The following ASIC5 variants were observed in gnomAD, a reference collection of about 807,000 sequenced individuals.
ASIC5 encodes the protein bile acid-sensitive ion channel.
In ASIC5, 52 loss-of-function variants were observed where a neutral mutation model predicts 51.2. The ratio of observed to expected loss-of-function variants is 1.02; its 90% CI spans 0.81 to 1.28. ASIC5 has a LOEUF of 1.28. Among genes scored for constraint, ASIC5 ranks in the 50% most tolerant of loss-of-function variants. ASIC5 has a pLI of 0.00. For synonymous variants in ASIC5, 231 were observed against 200.7 expected (o/e 1.15, Z -1.28); for missense variants, 635 against 595.0 (o/e 1.07, Z -0.70).
rs1414300629 is a variant in ASIC5 at position 155,863,591 on chromosome 4, C to T, written c.204G>A (p.Val68=). Residue 68 remains valine, a synonymous_variant, in exon 2 of 10, where the codon GTG becomes GTA. Transcript: ENST00000537611. ...SKIRRVLWLV[V]VLGSVSLVTW... ...TCACAAGTGAGACTGAGCCCAGAAC[C>T]ACCACCAACCAGAGCACCCTGCGAA... 4 of 1,613,618 alleles carry T rather than the reference C, an allele frequency of 2.5e-6. No homozygotes were observed. Among genetic ancestry groups the T allele is most frequent in the East Asian group, 2.2e-5 (1 of 44,838 alleles).
chr4:155,838,965 C>A (rs1741056170), intron 6 of ASIC5, 96 bp from the exon 7 acceptor site: 2 of 646,948 alleles, frequency 3.1e-6, no homozygotes, highest in Admixed American at 2.9e-5. Flanking sequence ...TCTATCCATC[C>A]ATTCATCCAC....
At chr4:155,860,407 A>C (rs2110764912) in intron 2 of ASIC5, among the ~76,000 whole-genome samples, 1 of 152,072 alleles carries the variant, frequency 6.6e-6, no homozygotes, top group African/African-American at 2.4e-5. Flanking sequence ...ATAGCACATT[A>C]ACTAAAATAT....
In ASIC5 at chr4:155,830,010, G is replaced by C. The variant is rs1233805382; in HGVS notation, c.1364C>G (p.Ala455Gly). ...AATTTCTATGATCGTGATCAGACTG[G>C]CCCCACAAAATAGACCCAGCTGACC... ...LGGQLGLFCG[A>G]SLITIIEIIE... is the part of the protein sequence containing the mutation. The change falls in exon 10 of 10, where the codon GCC (alanine) becomes GGC (glycine). Residue 455 changes from alanine to glycine, a missense_variant. By Grantham distance (60) the Ala-to-Gly change is moderately conservative. Transcript: ENST00000537611. The C allele has an allele frequency of 1.3e-6, 2 of 1,580,764 alleles. No homozygotes were observed. Among genetic ancestry groups the C allele is most frequent in the Non-Finnish European group, 1.7e-6 (2 of 1,164,408 alleles).
chr4:155,857,803 A>G (rs964121949), intron 2 of ASIC5, among the ~76,000 whole-genome samples: 6 of 152,114 alleles, frequency 3.9e-5, no homozygotes, highest in Admixed American at 3.9e-4. Context: ...TGCCTTTTGT[A>G]TTCTTCTTTG....
At chr4:155,858,188 A>C (rs1409996992) in intron 2 of ASIC5, among the ~76,000 whole-genome samples, 1 of 152,114 alleles carries the variant, frequency 6.6e-6, no homozygotes, top group Non-Finnish European at 1.5e-5. Context: ...ACTAGAATTG[A>C]TACCAAAGAA....
chr4:155,862,278 A>G lies in ASIC5; in HGVS notation c.347+1170T>C, dbSNP rs529632659. Among the ~76,000 whole-genome samples the G allele has an allele frequency of 2.6e-5, 4 of 152,226 alleles. No individual in the cohort carries two copies. The South Asian group carries it at 8.3e-4, about 32-fold the overall frequency. On this transcript the variant is annotated intron_variant, in intron 2 of 9. Transcript: ENST00000537611. ...CATATCTTGAGTTCTTGAAATATTGACAATCATACAAACGGGCTATAACAT... is the reference window on the plus strand; with the variant it reads ...CATATCTTGAGTTCTTGAAATATTGGCAATCATACAAACGGGCTATAACAT...
At chr4:155,837,073 A>G (rs1278520900) in intron 7 of ASIC5, among the ~76,000 whole-genome samples, 1 of 152,314 alleles carries the variant, frequency 6.6e-6, no homozygotes, top group East Asian at 1.9e-4. Context: ...TCATTGAGTC[A>G]CTGGATTGGG....
At chr4:155,864,175 A>T (rs1263798004) in intron 1 of ASIC5, among the ~76,000 whole-genome samples, 1 of 152,218 alleles carries the variant, frequency 6.6e-6, no homozygotes, top group Non-Finnish European at 1.5e-5. Flanking sequence ...AAGTATGGCT[A>T]AAAGTAATCT....
At chr4:155,849,618 G>T (rs1741332783) in intron 4 of ASIC5, among the ~76,000 whole-genome samples, 1 of 151,962 alleles carries the variant, frequency 6.6e-6, no homozygotes, top group South Asian at 2.1e-4. Flanking sequence ...TTCTAGTCTT[G>T]CCCAGTGTTT....
intron 4 of ASIC5, among the ~76,000 whole-genome samples, chr4:155,851,797 T>A (rs1453774999): frequency 6.6e-6 from 1 of 152,026 alleles, no homozygotes; most frequent in Non-Finnish European, 1.5e-5. Context: ...CTATAGTTTG[T>A]CAAATGTGTA....
intron 8 of ASIC5, among the ~76,000 whole-genome samples, chr4:155,835,084 G>A (rs916891068): frequency 6.6e-6 from 1 of 152,146 alleles, no homozygotes; most frequent in African/African-American, 2.4e-5. Flanking sequence ...GGGACACTGG[G>A]AAAGACCTTG....
In ASIC5 at chr4:155,859,310, C is replaced by T. The variant is rs573658188; in HGVS notation, c.347+4138G>A. ...TTGTATTGTTTATTTTATTTTTTAA[C>T]ATTTTTATTGACATGAATATATAGG... On this transcript the variant is annotated intron_variant, in intron 2 of 9. Coordinates refer to ENST00000537611, the MANE Select transcript of ASIC5 (RefSeq NM_017419.3). Among the ~76,000 whole-genome samples, 3 of 151,934 alleles carry T rather than the reference C, an allele frequency of 2.0e-5. No homozygotes were observed. In the South Asian group the frequency reaches 6.2e-4, roughly 32 times the overall value.
intron 8 of ASIC5, among the ~76,000 whole-genome samples, chr4:155,834,519 G>C (rs1432396153): frequency 6.6e-6 from 1 of 152,090 alleles, no homozygotes; most frequent in Non-Finnish European, 1.5e-5. Flanking sequence ...GCTCACCTTA[G>C]TCTTCCTGGT....
At chr4:155,852,154 A>T in intron 4 of ASIC5, 37 bp downstream of exon 4, 1 of 1,610,532 alleles carries the variant, frequency 6.2e-7, no homozygotes, top group Admixed American at 1.7e-5. Flanking sequence ...ACCCCCACAC[A>T]TTCTCGTTTG....
chr4:155,830,363 G>A (rs1740846960), intron 9 of ASIC5, among the ~76,000 whole-genome samples: 1 of 151,986 alleles, frequency 6.6e-6, no homozygotes, highest in South Asian at 2.1e-4. Context: ...TCATTTCTAG[G>A]TGTTAAATGA....
chr4:155,841,856 C>T (rs902111124), intron 6 of ASIC5, among the ~76,000 whole-genome samples: 1 of 151,962 alleles, frequency 6.6e-6, no homozygotes, highest in African/African-American at 2.4e-5. Context: ...TTGTACCTGG[C>T]AAATGGATAA....
intron 7 of ASIC5, among the ~76,000 whole-genome samples, chr4:155,838,383 G>T (rs2111232107): frequency 6.6e-6 from 1 of 152,202 alleles, no homozygotes; most frequent in African/African-American, 2.4e-5. Flanking sequence ...TTCCATTTAT[G>T]AAAAAATTTT....
intron 2 of ASIC5, chr4:155,858,812 T>C (rs1439698290): frequency 6.6e-6 from 1 of 152,092 alleles, no homozygotes; most frequent in Non-Finnish European, 1.5e-5. Flanking sequence ...AACTATGTGT[T>C]TGTCTGGTGC....
chr4:155,852,270 T>C lies in ASIC5; in HGVS notation c.632A>G (p.Asn211Ser). 13 of 1,599,200 alleles carry C rather than the reference T, an allele frequency of 8.1e-6. No individual in the cohort carries two copies. The highest frequency in any genetic ancestry group is 1.1e-5 in the Non-Finnish European group (13 of 1,174,856). Residue 211 changes from asparagine (N) to serine (S), a missense_variant, in exon 4 of 10, where the codon AAT becomes AGT. Asn to Ser is a conservative substitution (Grantham distance 46). Coordinates refer to ENST00000537611, the MANE Select transcript of ASIC5 (RefSeq NM_017419.3). The part of the protein sequence containing the change: ...FTEYGNCFTF[N>S]HGETLQAKRK... The stretch of plus-strand genomic sequence containing the variant: ...CTTTGCTTGGAGAGTTTCACCATGA[T>C]TAAAAGTAAAACAATTTCCATATTC...
Sources: gnomAD v4.1 joint callset for allele counts (sites outside exome capture counted in the v4.1 genomes callset) on GRCh38, gnomAD v4.1.1 for gene constraint, MANE v1.5 for transcripts, NCBI Gene and HGNC (gene_info 2026-07-23, HGNC 2026-07-21) for gene names.